STAC: variants seen among roughly 807,000 people sequenced by gnomAD.
The protein encoded by STAC is SH3 and cysteine rich domain.
STAC carries 43 observed loss-of-function variants against 48.8 expected under a neutral mutation model. The ratio of observed to expected loss-of-function variants is 0.88; its 90% CI spans 0.69 to 1.14. STAC has a LOEUF of 1.14. Ranked by LOEUF, STAC falls within the 50% of genes most tolerant of loss-of-function variation. STAC has a pLI of 0.00. For missense variants in STAC, 497 were observed against 504.0 expected (o/e 0.99, Z 0.13); for synonymous variants, 193 against 179.5 (o/e 1.07, Z -0.60).
intron 1 of STAC, among the ~76,000 whole-genome samples, chr3:36,406,401 C>T (rs141321385): frequency 2.0e-3 from 301 of 152,316 alleles, no homozygotes; most frequent in Admixed American, 3.5e-3. Context: ...TCCAAATTGG[C>T]AAAAGAGCAT....
intron 2 of STAC, among the ~76,000 whole-genome samples, chr3:36,444,893 C>T (rs924264097): frequency 1.3e-5 from 2 of 152,080 alleles, no homozygotes; most frequent in African/African-American, 4.8e-5. Flanking sequence ...GTTGCTGGGC[C>T]GGGGGCGATG....
intron 1 of STAC, among the ~76,000 whole-genome samples, chr3:36,412,104 T>C (rs1296769276): frequency 6.6e-6 from 1 of 152,150 alleles, no homozygotes; most frequent in Non-Finnish European, 1.5e-5. Context: ...GCAAGAAGTC[T>C]GGAGGTGGGA....
chr3:36,484,971 C>T lies in STAC; in HGVS notation c.490-6C>T, dbSNP rs1337904932. On this transcript the variant is annotated splice_polypyrimidine_tract_variant and splice_region_variant and intron_variant, in intron 3 of 10. Transcript: ENST00000273183. ...TAACCCCTTGCCTTCCTCATTCTCT[C>T]TCCAGCCAAAGGGGTTTCGGCGTTA... 6.3e-7 allele frequency: 1 copy of T among 1,591,460 alleles called. No homozygotes were observed. The highest frequency in any genetic ancestry group is 8.6e-7 in the Non-Finnish European group (1 of 1,168,260).
chr3:36,513,375 TG>T, intron 8 of STAC, among the ~76,000 whole-genome samples: 1 of 152,218 alleles, frequency 6.6e-6, no homozygotes. Flanking sequence ...ACTCTACTTT[TG>T]CCCAAAATGT....
chr3:36,524,273 A>G (rs1698874559), intron 8 of STAC, among the ~76,000 whole-genome samples: 1 of 152,020 alleles, frequency 6.6e-6, no homozygotes, highest in African/African-American at 2.4e-5. Flanking sequence ...GAGCCTCAAA[A>G]CTGGGTCAAG....
At chr3:36,493,000 T>C (rs113235882) in intron 5 of STAC, 151 bp from the exon 6 acceptor site, 1 of 630,074 alleles carries the variant, frequency 1.6e-6, no homozygotes. Flanking sequence ...GGACATAGCT[T>C]CTCTGAAGTT....
intron 10 of STAC, among the ~76,000 whole-genome samples, chr3:36,541,218 T>C (rs1193907986): frequency 6.6e-6 from 1 of 152,164 alleles, no homozygotes; most frequent in African/African-American, 2.4e-5. Flanking sequence ...CTAGCAGGTA[T>C]TTCATCTTGC....
At chr3:36,415,859 GCACTCACCCATCTGTTT>G (rs1363463769) in intron 1 of STAC, among the ~76,000 whole-genome samples, 4 of 152,146 alleles carry the variant, frequency 2.6e-5, no homozygotes, top group Non-Finnish European at 4.4e-5. Flanking sequence ...AATTCTACAT[GCACTCACCCATCTGTTT>G]CGGAGTTCTA....
chr3:36,434,250 T>C (rs183154607), intron 1 of STAC, among the ~76,000 whole-genome samples: 2 of 152,336 alleles, frequency 1.3e-5, no homozygotes, highest in East Asian at 3.9e-4. Context: ...GGCCACAATA[T>C]GACAGGTATT....
At chr3:36,478,282 A>C (rs73827529) in intron 2 of STAC, among the ~76,000 whole-genome samples, 4,716 of 152,242 alleles carry the variant, frequency 0.031, 219 homozygotes, top group African/African-American at 0.11. Flanking sequence ...ATACATGGCC[A>C]ATTTATGCCC....
intron 8 of STAC, among the ~76,000 whole-genome samples, chr3:36,510,870 T>C (rs1006449511): frequency 5.3e-4 from 80 of 152,120 alleles, no homozygotes; most frequent in African/African-American, 1.9e-3. Flanking sequence ...GACGGGTTGA[T>C]GGATGCAGCA....
intron 10 of STAC, among the ~76,000 whole-genome samples, chr3:36,545,420 C>T (rs566553548): frequency 5.3e-5 from 8 of 152,320 alleles, no homozygotes; most frequent in African/African-American, 1.4e-4. Flanking sequence ...CAATAAGTCA[C>T]TTGTACAAGG....
intron 2 of STAC, among the ~76,000 whole-genome samples, chr3:36,447,932 C>T (rs1386175088): frequency 4.6e-5 from 7 of 152,010 alleles, no homozygotes; most frequent in Non-Finnish European, 1.0e-4. Flanking sequence ...CACATAGATC[C>T]TCTCCTTTGG....
intron 1 of STAC, among the ~76,000 whole-genome samples, chr3:36,389,751 A>G (rs909587005): frequency 2.0e-5 from 3 of 152,162 alleles, no homozygotes; most frequent in Non-Finnish European, 4.4e-5. Flanking sequence ...GTGCCAGTTT[A>G]GGATGCCACT....
At chr3:36,437,454 T>G (rs1364021765) in intron 1 of STAC, among the ~76,000 whole-genome samples, 1 of 151,562 alleles carries the variant, frequency 6.6e-6, no homozygotes, top group East Asian at 1.9e-4. Context: ...CCATAAAAAA[T>G]GATGAGTTCA....
chr3:36,472,452 C>A (rs1559504588), intron 2 of STAC, among the ~76,000 whole-genome samples: 1 of 152,252 alleles, frequency 6.6e-6, no homozygotes, highest in Non-Finnish European at 1.5e-5. Flanking sequence ...GCTTGAATTT[C>A]TCCCCAGAAA....
intron 8 of STAC, among the ~76,000 whole-genome samples, chr3:36,526,343 T>C (rs1698936183): frequency 1.3e-5 from 2 of 152,188 alleles, no homozygotes; most frequent in African/African-American, 4.8e-5. Flanking sequence ...CCCTTGAGTC[T>C]GAACTGGCCT....
chr3:36,399,291 C>A (rs1699952715), intron 1 of STAC, among the ~76,000 whole-genome samples: 2 of 152,234 alleles, frequency 1.3e-5, no homozygotes, highest in Non-Finnish European at 2.9e-5. Flanking sequence ...CAGTGGGTTC[C>A]TGTCTGTGCC....
intron 1 of STAC, among the ~76,000 whole-genome samples, chr3:36,426,865 T>C (rs1700576903): frequency 1.2e-5 from 1 of 82,886 alleles, no homozygotes; most frequent in Admixed American, 1.0e-4. Context: ...TCATCACCTC[T>C]CGACATTTTG....
Sources: allele counts gnomAD v4.1 joint callset (sites outside exome capture counted in the v4.1 genomes callset), GRCh38; gene constraint gnomAD v4.1.1; transcripts MANE v1.5; gene names NCBI Gene and HGNC (gene_info 2026-07-23, HGNC 2026-07-21).